The following UST variants were observed in gnomAD, a reference collection of about 807,000 sequenced individuals.
UST encodes the protein uronyl 2-sulfotransferase, also known as chondroitin sulfate 2-O-sulfotransferase.
UST carries 21 observed loss-of-function variants against 45.6 expected under a neutral mutation model. The ratio of observed to expected loss-of-function variants is 0.46; its 90% CI spans 0.33 to 0.66. The LOEUF (loss-of-function observed/expected upper bound fraction) is 0.66. UST is among the 30% of genes least tolerant of loss of function. UST has a pLI of 0.02. For synonymous variants in UST, 215 were observed against 200.6 expected (o/e 1.07, Z -0.61); for missense variants, 463 against 512.4 (o/e 0.90, Z 0.93).
chr6:148,747,138 G>A lies in UST; in HGVS notation c.-293G>A, dbSNP rs1473661911. 1.3e-5 allele frequency among the ~76,000 whole-genome samples: 2 copies of A among 149,798 alleles called. No individual in the cohort carries two copies. Among genetic ancestry groups the A allele is most frequent in the South Asian group, 2.1e-4 (1 of 4,830 alleles). ...CGGCGGCCGCAAGCGAGCCCGAGGC[G>A]CGGCGGGGCGCGGGGCGTGGGGACG... is the stretch of plus-strand genomic sequence containing the variant. On this transcript the variant is annotated 5_prime_UTR_variant, in exon 1 of 8. Coordinates refer to ENST00000367463, the MANE Select transcript of UST (RefSeq NM_005715.3).
chr6:148,778,868 C>T (rs1776583815), intron 1 of UST, among the ~76,000 whole-genome samples: 1 of 152,068 alleles, frequency 6.6e-6, no homozygotes, highest in African/African-American at 2.4e-5. Context: ...CGACCAAGGC[C>T]CACCCCCCTC....
chr6:148,942,968 G>T (rs1278874358), intron 3 of UST, among the ~76,000 whole-genome samples: 1 of 152,128 alleles, frequency 6.6e-6, no homozygotes, highest in African/African-American at 2.4e-5. Context: ...CCAAAGAAAA[G>T]AATGATCTTT....
intron 7 of UST, among the ~76,000 whole-genome samples, chr6:149,045,910 A>G (rs533372892): frequency 2.0e-5 from 3 of 152,288 alleles, no homozygotes; most frequent in African/African-American, 7.2e-5. Context: ...AAAAAAAGCC[A>G]TCTCCCAGAA....
chr6:148,752,714 G>A (rs966927900), intron 1 of UST, among the ~76,000 whole-genome samples: 1 of 152,210 alleles, frequency 6.6e-6, no homozygotes, highest in Non-Finnish European at 1.5e-5. Flanking sequence ...AAGTGGTCAA[G>A]GTTTTTGAGT....
At chr6:148,785,447 T>C (rs925596691) in intron 1 of UST, among the ~76,000 whole-genome samples, 1 of 152,158 alleles carries the variant, frequency 6.6e-6, no homozygotes, top group African/African-American at 2.4e-5. Flanking sequence ...GTTGTGAGGG[T>C]TAAATGAGGC....
At chr6:148,943,346 A>C (rs1416826717) in intron 3 of UST, among the ~76,000 whole-genome samples, 1 of 152,202 alleles carries the variant, frequency 6.6e-6, no homozygotes, top group Non-Finnish European at 1.5e-5. Context: ...AGGATTAGAC[A>C]TTGGGATGTT....
chr6:148,838,099 T>C (rs1478877443), intron 1 of UST, among the ~76,000 whole-genome samples: 2 of 152,206 alleles, frequency 1.3e-5, no homozygotes, highest in Non-Finnish European at 2.9e-5. Flanking sequence ...CAGTATCATA[T>C]GATAGAGAGC....
At chr6:148,979,588 A>G (rs1781089662) in intron 5 of UST, among the ~76,000 whole-genome samples, 1 of 152,240 alleles carries the variant, frequency 6.6e-6, no homozygotes, top group Non-Finnish European at 1.5e-5. Context: ...AGCAGTTTTC[A>G]GTCCATCCAT....
At chr6:148,778,789 C>T (rs904428128) in intron 1 of UST, among the ~76,000 whole-genome samples, 5 of 152,118 alleles carry the variant, frequency 3.3e-5, no homozygotes, top group African/African-American at 2.4e-5. Context: ...GGCAACTTGC[C>T]GAGGGTTATA....
Position 148,941,388 on chromosome 6 carries a change from T to G in UST, c.401T>G (p.Val134Gly). The change falls in exon 3 of 8, where the codon GTC becomes GGC. Residue 134 changes from valine to glycine, a missense_variant. Coordinates refer to ENST00000367463, the MANE Select transcript of UST (RefSeq NM_005715.3). ...ILSEKHGFNL[V>G]TSDIHNKTRL... ...TCGGAGAAGCACGGATTTAATTTGG[T>G]CACATCAGACATTCACAACAAAACC... is the stretch of plus-strand genomic sequence containing the variant. 6.2e-7 allele frequency: 1 copy of G among 1,611,556 alleles called. No individual in the cohort carries two copies. The highest frequency in any genetic ancestry group is 8.5e-7 in the Non-Finnish European group (1 of 1,179,470).
At chr6:148,928,364 G>T (rs573568757) in intron 2 of UST, among the ~76,000 whole-genome samples, 2 of 152,212 alleles carry the variant, frequency 1.3e-5, no homozygotes, top group Admixed American at 1.3e-4. Flanking sequence ...AGAGACAATT[G>T]TTGCTCTATA....
chr6:148,793,860 A>G (rs11753679), intron 1 of UST, among the ~76,000 whole-genome samples: 19,961 of 152,236 alleles, frequency 0.13, 1,504 homozygotes, highest in South Asian at 0.3. Flanking sequence ...CATTGTTTGC[A>G]TATACCACCT....
chr6:149,038,852 A>G (rs1280881875), intron 7 of UST, among the ~76,000 whole-genome samples: 1 of 152,232 alleles, frequency 6.6e-6, no homozygotes, highest in Non-Finnish European at 1.5e-5. Flanking sequence ...AAAGCTTTAT[A>G]AGTGATTTTA....
chr6:149,046,727 A>G (rs1260750998), intron 7 of UST, among the ~76,000 whole-genome samples: 1 of 152,230 alleles, frequency 6.6e-6, no homozygotes, highest in Non-Finnish European at 1.5e-5. Flanking sequence ...TAATCATCTC[A>G]TTTGATTCTT....
intron 1 of UST, among the ~76,000 whole-genome samples, chr6:148,857,036 A>G (rs1778218766): frequency 6.6e-6 from 1 of 150,832 alleles, no homozygotes; most frequent in Non-Finnish European, 1.5e-5. Context: ...CCTATTATAT[A>G]TAATTTAAAG....
At chr6:148,866,793 C>T (rs990197124) in intron 1 of UST, among the ~76,000 whole-genome samples, 1 of 152,114 alleles carries the variant, frequency 6.6e-6, no homozygotes, top group African/African-American at 2.4e-5. Flanking sequence ...CCTCTTTGTA[C>T]TATCATGAAA....
At chr6:149,016,718 T>TG (rs1775903061) in intron 5 of UST, among the ~76,000 whole-genome samples, 1 of 152,202 alleles carries the variant, frequency 6.6e-6, no homozygotes, top group African/African-American at 2.4e-5. Flanking sequence ...TGCAGGACTC[T>TG]GGGGGGCTGA....
At chr6:148,994,660 A>G (rs1562323876) in intron 5 of UST, among the ~76,000 whole-genome samples, 1 of 152,196 alleles carries the variant, frequency 6.6e-6, no homozygotes, top group Non-Finnish European at 1.5e-5. Flanking sequence ...GCTAGTCAAG[A>G]GTTTCACTGT....
At chr6:148,991,349 ATTTT>A (rs748512355) in intron 5 of UST, among the ~76,000 whole-genome samples, 1 of 151,988 alleles carries the variant, frequency 6.6e-6, no homozygotes, top group Non-Finnish European at 1.5e-5. Flanking sequence ...GAACTCATAA[ATTTT>A]TTTTAATTTT....
Sources: gnomAD v4.1 joint callset for allele counts (sites outside exome capture counted in the v4.1 genomes callset) on GRCh38, gnomAD v4.1.1 for gene constraint, MANE v1.5 for transcripts, NCBI Gene and HGNC (gene_info 2026-07-23, HGNC 2026-07-21) for gene names.